TENM2: variants seen among roughly 807,000 people sequenced by gnomAD.
TENM2 encodes teneurin-2.
A neutral mutation model predicts 245.2 loss-of-function variants in TENM2; 52 were observed. The ratio of observed to expected loss-of-function variants is 0.21; its 90% CI spans 0.17 to 0.27. The LOEUF is 0.27. TENM2 is among the 10% of genes least tolerant of loss of function. The pLI is 1.00. For missense variants in TENM2, 3,046 were observed against 3,666.8 expected, an observed-to-expected ratio of 0.83 and a Z score of 4.37; for synonymous variants, 1,363 against 1,438.9, an observed-to-expected ratio of 0.95 and a Z score of 1.19.
intron 18 of TENM2, 108 bp downstream of exon 20, chr5:168,203,940 T>A: frequency 5.4e-6 from 5 of 928,048 alleles, no homozygotes; most frequent in Non-Finnish European, 5.9e-6. Context: ...TGGGTCATTT[T>A]TTCATCAAGT....
Position 168,244,494 on chromosome 5 carries a change from G to T in TENM2, c.5595G>T (p.Arg1865=), listed in dbSNP as rs774598137. Residue 1865 remains arginine (R), a synonymous_variant, in exon 26 of 29, where the codon CGG becomes CGT. Coordinates refer to ENST00000518659, the Ensembl canonical transcript of TENM2. The surrounding 1 kb of genome is among the most constrained non-coding windows in gnomAD (Gnocchi z 4.9). Reference sequence around the variant, plus strand: ...CTGAAAAGATCTATGATGACCACCGGAAGTTCACCCTGAGGATCATTTATG... The same window carrying T: ...CTGAAAAGATCTATGATGACCACCGTAAGTTCACCCTGAGGATCATTTATG... 3 of 1,609,276 alleles carry T rather than the reference G, an allele frequency of 1.9e-6. No homozygotes were observed. The highest frequency in any genetic ancestry group is 2.5e-6 in the Non-Finnish European group (3 of 1,177,108).
At chr5:168,095,297 C>T (rs1024066582) in intron 8 of TENM2, among the ~76,000 whole-genome samples, 6 of 152,146 alleles carry the variant, frequency 3.9e-5, no homozygotes, top group African/African-American at 1.4e-4. Flanking sequence ...TCTCTCCAAA[C>T]TCAACTAATG....
chr5:167,375,286 G>A (rs1392529193), exon 2 of TENM2: 1 of 1,551,610 alleles, frequency 6.4e-7, no homozygotes, highest in African/African-American at 1.4e-5. Flanking sequence ...TCCTTCACCA[G>A]GGCTACTCCC....
At chr5:167,353,586 C>G (rs537935833) in intron 1 of TENM2, among the ~76,000 whole-genome samples, 8 of 132,648 alleles carry the variant, frequency 6.0e-5, no homozygotes, top group African/African-American at 1.4e-4. Flanking sequence ...CGGCTCACTG[C>G]AAGCTCCGCC....
chr5:168,108,801 C>T (rs1794451929), intron 9 of TENM2, among the ~76,000 whole-genome samples: 1 of 152,140 alleles, frequency 6.6e-6, no homozygotes, highest in South Asian at 2.1e-4. Flanking sequence ...CCCCCTCTGG[C>T]TCTGTCTCAC....
chr5:167,968,145 C>A (rs1330916770), intron 4 of TENM2, among the ~76,000 whole-genome samples: 1 of 152,084 alleles, frequency 6.6e-6, no homozygotes, highest in Non-Finnish European at 1.5e-5. Context: ...GCAGCTGCAT[C>A]CTTTAGATTT....
At chr5:167,744,510 G>C (rs534992836) in intron 2 of TENM2, among the ~76,000 whole-genome samples, 2 of 152,272 alleles carry the variant, frequency 1.3e-5, no homozygotes, top group African/African-American at 4.8e-5. Flanking sequence ...TATATAGTAG[G>C]AGTTCAGAAA....
the TENM2 span, among the ~76,000 whole-genome samples, chr5:167,211,991 G>A: frequency 3.9e-5 from 6 of 152,208 alleles, no homozygotes; most frequent in East Asian, 7.8e-4. Flanking sequence ...CATCTCTAAA[G>A]CCCAAGTCCT....
intron 2 of TENM2, among the ~76,000 whole-genome samples, chr5:167,677,476 G>A: frequency 6.6e-6 from 1 of 151,492 alleles, no homozygotes; most frequent in East Asian, 1.9e-4. Flanking sequence ...GCAAATCAGA[G>A]CAAAAGGTTT....
At position 167,452,687 on chromosome 5, in the gene TENM2, T is replaced by C. The variant is rs554096080; in HGVS notation, c.502+77214T>C. On this transcript the variant is annotated intron_variant, in intron 2 of 28. Transcript: ENST00000518659. The stretch of plus-strand genomic sequence containing the variant: ...TATGACATTCAATCAGATTCACTAA[T>C]AACGAGCTCAGATTCTTATTAACAC... Among the ~76,000 whole-genome samples the C allele has an allele frequency of 1.6e-4, 24 of 151,726 alleles. 2 individuals carry two copies. The South Asian group carries it at 5.0e-3, about 32-fold the overall frequency.
chr5:167,189,880 T>C, the TENM2 span, among the ~76,000 whole-genome samples: 3 of 152,150 alleles, frequency 2.0e-5, no homozygotes, highest in Admixed American at 6.6e-5. Context: ...TTTATATTAA[T>C]AATTTAGATT....
At chr5:168,152,152 C>T (rs963884545) in intron 12 of TENM2, among the ~76,000 whole-genome samples, 6 of 152,248 alleles carry the variant, frequency 3.9e-5, no homozygotes, top group South Asian at 4.2e-4. Context: ...AGGGTTGTTG[C>T]GACAATTAAA....
chr5:168,227,336 G>A lies in TENM2; in HGVS notation c.5285-559G>A, dbSNP rs932810462. Among the ~76,000 whole-genome samples the A allele has an allele frequency of 2.0e-5, 3 of 152,226 alleles. No individual in the cohort carries two copies. In the East Asian group the frequency reaches 5.8e-4, roughly 29 times the overall value. On this transcript the variant is annotated intron_variant, in intron 24 of 28. Transcript: ENST00000518659. ...TCTCTTCAGAGTTCTCTTGAGTGGG[G>A]GTGGTATCAGGTGCAGTCGGCAGTA...
chr5:167,193,292 C>G, the TENM2 span, among the ~76,000 whole-genome samples: 1 of 152,002 alleles, frequency 6.6e-6, no homozygotes, highest in Non-Finnish European at 1.5e-5. Flanking sequence ...GCATTGCACT[C>G]TTGGGAAATC....
intron 25 of TENM2, among the ~76,000 whole-genome samples, chr5:168,238,323 G>A (rs866363248): frequency 1.4e-5 from 2 of 142,894 alleles, no homozygotes; most frequent in African/African-American, 2.7e-5. Flanking sequence ...AGACTGACCC[G>A]GAAAGAAAAT....
chr5:167,906,730 A>G (rs540852138), intron 3 of TENM2, among the ~76,000 whole-genome samples: 2 of 152,208 alleles, frequency 1.3e-5, no homozygotes, highest in South Asian at 4.1e-4. Context: ...GGGGTGTTCA[A>G]TGTGAATGGT....
intron 25 of TENM2, among the ~76,000 whole-genome samples, chr5:168,235,818 A>G (rs971721927): frequency 2.6e-5 from 4 of 151,778 alleles, no homozygotes; most frequent in African/African-American, 9.7e-5. Flanking sequence ...AAGAAAAAAA[A>G]AAGAAATTGT....
intron 3 of TENM2, among the ~76,000 whole-genome samples, chr5:167,931,013 C>T (rs1041270774): frequency 6.6e-5 from 10 of 152,068 alleles, no homozygotes; most frequent in African/African-American, 2.2e-4. Context: ...AGCAGAAGAT[C>T]GCAAACTAGT....
chr5:167,353,513 T>TG (rs1561886607), intron 1 of TENM2, among the ~76,000 whole-genome samples: 9 of 123,198 alleles, frequency 7.3e-5, no homozygotes, highest in Admixed American at 4.9e-4. Flanking sequence ...TTTTTTTTTT[T>TG]TTTTTTTTTT....
Sources: gnomAD v4.1 joint callset for allele counts (sites outside exome capture counted in the v4.1 genomes callset) on GRCh38, gnomAD v4.1.1 for gene constraint, Gnocchi (gnomAD v3.1) non-coding constraint, MANE v1.5 for transcripts, NCBI Gene and HGNC (gene_info 2026-07-23, HGNC 2026-07-21) for gene names.